Variants in ZNF831 observed in about 807,000 individuals in gnomAD.
ZNF831 encodes the protein zinc finger protein 831, also known as chromosome 20 open reading frame 174.
A neutral mutation model predicts 95.8 loss-of-function variants in ZNF831; 59 were observed. The observed-to-expected ratio is 0.62, with a 90% CI of 0.50 to 0.77. The LOEUF is 0.77. ZNF831 is among the 30% of genes least tolerant of loss of function. The pLI is 0.00. For missense variants in ZNF831, 2,205 were observed against 2,164.0 expected, an observed-to-expected ratio of 1.02 and a Z score of -0.38; for synonymous variants, 961 against 925.5, an observed-to-expected ratio of 1.04 and a Z score of -0.70.
rs1299124514 is a variant in ZNF831 at position 59,254,006 on chromosome 20, G to A, written c.4297G>A (p.Val1433Met). The change falls in exon 6 of 6, where the codon GTG becomes ATG. Residue 1433 changes from valine to methionine, a missense_variant. Transcript: ENST00000371030. This position sits in a 1 kb window ranked among gnomAD's most constrained non-coding sequence, Gnocchi z 4.5. Reference sequence around the variant, plus strand: ...CACCTGCCTGGCAGTGGTTAATGACGTGCCTCTACCCCCTGGCAAAGGTCT... The same window carrying A: ...CACCTGCCTGGCAGTGGTTAATGACATGCCTCTACCCCCTGGCAAAGGTCT... ...SDTCLAVVND[V>M]PLPPGKGLDL... The A allele has an allele frequency of 1.8e-5, 29 of 1,613,898 alleles. No individual in the cohort carries two copies. Among genetic ancestry groups the A allele is most frequent in the Admixed American group, 3.3e-5 (2 of 59,992 alleles).
At position 59,217,379 on chromosome 20, in the gene ZNF831, C is replaced by T. The variant is rs1985764920; in HGVS notation, c.4027+10323C>T. Among the ~76,000 whole-genome samples the T allele has an allele frequency of 6.6e-6, 1 of 152,226 alleles. No individual in the cohort carries two copies. The highest frequency in any genetic ancestry group is 6.5e-5 in the Admixed American group (1 of 15,284). On this transcript the variant is annotated intron_variant, in intron 4 of 5. Transcript: ENST00000371030. The surrounding 1 kb of genome is among the most constrained non-coding windows in gnomAD (Gnocchi z 4.4). ...TTCTCCTATTAACGAAGAGTTTGGTCATCACCAGTGTTTCACACTTGCATC... is the reference window on the plus strand; with the variant it reads ...TTCTCCTATTAACGAAGAGTTTGGTTATCACCAGTGTTTCACACTTGCATC...
At chr20:59,126,185 C>T (rs1040741415) in intron 1 of ZNF831, among the ~76,000 whole-genome samples, 3 of 152,216 alleles carry the variant, frequency 2.0e-5, no homozygotes, top group Admixed American at 6.5e-5. Context: ...CCACCTTCCC[C>T]ACGTGTGCCA....
At chr20:59,161,700 G>A (rs1321676235), upstream of ZNF831, among the ~76,000 whole-genome samples, 1 of 152,158 alleles carries the variant, frequency 6.6e-6, no homozygotes, top group Admixed American at 6.5e-5. Flanking sequence ...TTTGCTATTT[G>A]TGAATAGTGC....
Position 59,195,962 on chromosome 20 carries a change from C to G in ZNF831, c.3832C>G (p.Arg1278Gly). The change falls in exon 3 of 6, where the codon CGT becomes GGT. Residue 1278 changes from arginine to glycine, a missense_variant. Physicochemically the swap from Arg to Gly is moderately radical, Grantham distance 125. Transcript: ENST00000371030. ...KGLPWRAKMS[R>G]GNSKQRKLKI... ...CCTGCCTTGGAGGGCAAAGATGTCT[C>G]GTGGGAACAGCAAGCAGAGAAAACT... The G allele has an allele frequency of 1.2e-6, 2 of 1,614,110 alleles. No homozygotes were observed. Among genetic ancestry groups the G allele is most frequent in the South Asian group, 1.1e-5 (1 of 91,074 alleles).
At chr20:59,152,890 G>A (rs900881391) in intron 2 of ZNF831, among the ~76,000 whole-genome samples, 1 of 152,270 alleles carries the variant, frequency 6.6e-6, no homozygotes, top group African/African-American at 2.4e-5. Context: ...GCTAGGTGGA[G>A]GACATTACTT....
Position 59,237,535 on chromosome 20 carries a change from C to A in ZNF831, c.4028-15443C>A, listed in dbSNP as rs575406684. On this transcript the variant is annotated intron_variant, in intron 4 of 5. Transcript: ENST00000371030. Reference sequence around the variant, plus strand: ...CTAATTTTTCTATTTTTAGTAGAGACGCGGTTTCACCATGTTGGCCAGGCT... The same window carrying A: ...CTAATTTTTCTATTTTTAGTAGAGAAGCGGTTTCACCATGTTGGCCAGGCT... Among the ~76,000 whole-genome samples, 4 of 152,256 alleles carry A rather than the reference C, an allele frequency of 2.6e-5. No homozygotes were observed. The East Asian group carries it at 5.8e-4, about 22-fold the overall frequency.
intron 4 of ZNF831, among the ~76,000 whole-genome samples, chr20:59,215,254 C>T (rs1013949574): frequency 1.3e-5 from 2 of 152,176 alleles, no homozygotes; most frequent in Non-Finnish European, 2.9e-5. Context: ...GGAAGTCGTG[C>T]CGCTTCTCCT....
chr20:59,162,450 C>T (rs1470427680), upstream of ZNF831, among the ~76,000 whole-genome samples: 3 of 152,112 alleles, frequency 2.0e-5, no homozygotes, highest in Non-Finnish European at 4.4e-5. Flanking sequence ...AGGTAAGAGT[C>T]CAGTTTCATT....
chr20:59,183,771 A>C (rs1982803895), intron 1 of ZNF831, among the ~76,000 whole-genome samples: 1 of 152,188 alleles, frequency 6.6e-6, no homozygotes, highest in African/African-American at 2.4e-5. Context: ...TTTGCAGAAA[A>C]ATGAGGAGAA....
intron 1 of ZNF831, among the ~76,000 whole-genome samples, chr20:59,168,913 C>G (rs1306251599): frequency 6.6e-6 from 1 of 152,058 alleles, no homozygotes; most frequent in African/African-American, 2.4e-5. Context: ...AATCCTTGTT[C>G]AAGGTGTATA....
chr20:59,239,637 TG>T (rs1426483840), intron 4 of ZNF831, among the ~76,000 whole-genome samples: 1 of 150,382 alleles, frequency 6.6e-6, no homozygotes, highest in Non-Finnish European at 1.5e-5. Flanking sequence ...CTCTTCCTCC[TG>T]GGTTCAAGCG....
intron 2 of ZNF831, among the ~76,000 whole-genome samples, chr20:59,158,657 T>C (rs558640663): frequency 6.6e-6 from 1 of 152,380 alleles, no homozygotes; most frequent in South Asian, 2.1e-4. Flanking sequence ...AGTCAGCCCA[T>C]TTCCCAAAGG....
intron 1 of ZNF831, among the ~76,000 whole-genome samples, chr20:59,175,137 A>C (rs1398376996): frequency 7.0e-6 from 1 of 142,396 alleles, no homozygotes; most frequent in Non-Finnish European, 1.5e-5. Context: ...ATTGTTTCTC[A>C]CTTGCTTCTT....
In ZNF831 at chr20:59,254,397, A is replaced by T. The variant is rs767767904; in HGVS notation, c.4688A>T (p.Glu1563Val). 1.2e-6 allele frequency: 2 copies of T among 1,614,194 alleles called. No individual in the cohort carries two copies. The highest frequency in any genetic ancestry group is 1.6e-4 in the Middle Eastern group (1 of 6,062). ...GATTCGGTTCCACTGGAGTCAACTG[A>T]AAAAACTCATCTTGAAATACCAGCT... The part of the protein sequence containing the change: ...ISDSVPLEST[E>V]KTHLEIPASG... The change falls in exon 6 of 6, where the codon GAA becomes GTA. Residue 1563 changes from glutamate (E) to valine (V), a missense_variant. Coordinates refer to ENST00000371030, the MANE Select transcript of ZNF831 (RefSeq NM_178457.3). This position sits in a 1 kb window ranked among gnomAD's most constrained non-coding sequence, Gnocchi z 4.5.
chr20:59,255,358 C>T lies in ZNF831; in HGVS notation c.*615C>T, dbSNP rs1185088625. On this transcript the variant is annotated 3_prime_UTR_variant, in exon 6 of 6. Coordinates refer to ENST00000371030, the MANE Select transcript of ZNF831 (RefSeq NM_178457.3). ...CGTCCTTGGTGGAGTTGTAAATACA[C>T]TTCAAAATGCCTATGATCCGGTGAC... 2 of 152,614 alleles carry T rather than the reference C, an allele frequency of 1.3e-5. No individual in the cohort carries two copies. The highest frequency in any genetic ancestry group is 2.9e-5 in the Non-Finnish European group (2 of 68,340). The allele number at this position is 152,614 out of a possible 1,614,324, so 9.5% of individuals were successfully genotyped here. A position where few individuals can be genotyped will look rare whatever the true frequency, so the allele number is the denominator to read the frequency against.
chr20:59,194,428 C>T lies in ZNF831; in HGVS notation c.3409C>T (p.Leu1137Phe), dbSNP rs370589220. 3.7e-6 allele frequency: 6 copies of T among 1,612,248 alleles called. No homozygotes were observed. In the African/African-American group the frequency reaches 8.0e-5, roughly 22 times the overall value. The change falls in exon 2 of 6, where the codon CTC becomes TTC. Residue 1137 changes from leucine (L) to phenylalanine (F), a missense_variant. Transcript: ENST00000371030. ...CCAGCCTGGCTCCTTCCTCACTGCC[C>T]TCACTCGGCCTCAGGGTGTGCCCCC... ...PLQPGSFLTA[L>F]TRPQGVPPGW...
chr20:59,202,342 A>ATT (rs762881064), intron 3 of ZNF831, among the ~76,000 whole-genome samples: 10,900 of 122,496 alleles, frequency 0.089, 556 homozygotes, highest in East Asian at 0.26. Context: ...TTTTTTTTAA[A>ATT]AAAAAAAACA....
In ZNF831 at chr20:59,192,528, G is replaced by T; in HGVS notation, c.1509G>T (p.Arg503Ser). 4.6e-6 allele frequency: 7 copies of T among 1,530,520 alleles called. No individual in the cohort carries two copies. Among genetic ancestry groups the T allele is most frequent in the Non-Finnish European group, 6.1e-6 (7 of 1,140,972 alleles). The allele number at this position is 1,530,520 out of a possible 1,614,324, so 94.8% of individuals were successfully genotyped here. A position where few individuals can be genotyped will look rare whatever the true frequency, so the allele number is the denominator to read the frequency against. The change falls in exon 2 of 6, where the codon AGG (arginine) becomes AGT (serine). Residue 503 changes from arginine (R) to serine (S), a missense_variant. By Grantham distance (110) the Arg-to-Ser change is moderately radical. Transcript: ENST00000371030. The surrounding 1 kb of genome is among the most constrained non-coding windows in gnomAD (Gnocchi z 5.2). The part of the protein sequence containing the change: ...STTVECVPVT[R>S]SNSLPFVEGS... Reference sequence around the variant, plus strand: ...CCGTGGAATGTGTCCCCGTCACCAGGAGCAACTCGCTGCCCTTCGTCGAGG... The same window carrying T: ...CCGTGGAATGTGTCCCCGTCACCAGTAGCAACTCGCTGCCCTTCGTCGAGG...
At chr20:59,195,457 G>C (rs958431631) in intron 2 of ZNF831, among the ~76,000 whole-genome samples, 1 of 152,236 alleles carries the variant, frequency 6.6e-6, no homozygotes, top group African/African-American at 2.4e-5. Context: ...CCAGAGTCTT[G>C]CAGGCTGTTC....
Sources: gnomAD v4.1 joint callset for allele counts (sites outside exome capture counted in the v4.1 genomes callset) on GRCh38, gnomAD v4.1.1 for gene constraint, Gnocchi (gnomAD v3.1) non-coding constraint, MANE v1.5 for transcripts, NCBI Gene and HGNC (gene_info 2026-07-23, HGNC 2026-07-21) for gene names.